SEMA3A: variants seen among roughly 807,000 people sequenced by gnomAD.
SEMA3A encodes semaphorin-3A.
Under a neutral mutation model 97.9 loss-of-function variants are expected in SEMA3A, and 29 were observed. The observed-to-expected ratio is 0.30, with a 90% CI of 0.22 to 0.40. The LOEUF is 0.40. SEMA3A is among the 10% of genes least tolerant of loss of function. The probability of loss-of-function intolerance (pLI) is 1.00; values close to 1 mark genes in which losing one functional copy is unlikely to be tolerated. For missense variants in SEMA3A, 763 were observed against 951.3 expected (o/e 0.80, Z 2.60); for synonymous variants, 321 against 323.7 (o/e 0.99, Z 0.09).
intron 1 of SEMA3A, among the ~76,000 whole-genome samples, chr7:84,453,269 G>GCT (rs1805605956): frequency 1.4e-5 from 2 of 144,710 alleles, no homozygotes; most frequent in African/African-American, 5.2e-5. Context: ...ACGGAGTCTC[G>GCT]CTGTCGCCCA....
chr7:84,005,296 T>C (rs1014125464), intron 11 of SEMA3A, 43 bp downstream of exon 11: 7 of 1,378,316 alleles, frequency 5.1e-6, no homozygotes, highest in South Asian at 4.7e-5. Flanking sequence ...CAGTTAAACA[T>C]AGTGTTCGGA....
intron 1 of SEMA3A, among the ~76,000 whole-genome samples, chr7:84,147,135 T>C (rs1184057711): frequency 6.6e-6 from 1 of 152,176 alleles, no homozygotes; most frequent in Admixed American, 6.5e-5. Flanking sequence ...AAATTATATA[T>C]ACTACATTTT....
intron 1 of SEMA3A, among the ~76,000 whole-genome samples, chr7:84,474,546 T>C (rs1333886632): frequency 6.6e-6 from 1 of 152,170 alleles, no homozygotes; most frequent in East Asian, 1.9e-4. Flanking sequence ...ATCCTCTAGG[T>C]AGGTGTAATG....
chr7:84,156,107 A>G (rs1796838376), intron 1 of SEMA3A, among the ~76,000 whole-genome samples: 1 of 152,172 alleles, frequency 6.6e-6, no homozygotes, highest in African/African-American at 2.4e-5. Context: ...TGTAAATTAT[A>G]ACAAGTCATA....
chr7:84,303,785 T>C (rs896025048), intron 3 of SEMA3A, among the ~76,000 whole-genome samples: 1 of 152,184 alleles, frequency 6.6e-6, no homozygotes, highest in Admixed American at 6.5e-5. Flanking sequence ...TAATTTTGTC[T>C]GACTTTAGGT....
At chr7:83,967,869 T>C (rs1368151125) in intron 15 of SEMA3A, among the ~76,000 whole-genome samples, 1 of 152,176 alleles carries the variant, frequency 6.6e-6, no homozygotes, top group Non-Finnish European at 1.5e-5. Flanking sequence ...CATGTATACA[T>C]TGTATAATGA....
At chr7:83,972,810 CTCT>C (rs1788972577) in intron 15 of SEMA3A, among the ~76,000 whole-genome samples, 1 of 152,036 alleles carries the variant, frequency 6.6e-6, no homozygotes, top group Non-Finnish European at 1.5e-5. Flanking sequence ...TATTTCAAAC[CTCT>C]TCTTATTCAT....
intron 4 of SEMA3A, among the ~76,000 whole-genome samples, chr7:84,100,111 C>G (rs1352096278): frequency 6.6e-6 from 1 of 152,150 alleles, no homozygotes; most frequent in Non-Finnish European, 1.5e-5. Context: ...CATAGCCTGT[C>G]TGTCTTCCAA....
chr7:84,339,842 T>C (rs569875508), intron 2 of SEMA3A, among the ~76,000 whole-genome samples: 1 of 152,256 alleles, frequency 6.6e-6, no homozygotes, highest in Admixed American at 6.5e-5. Context: ...TTCATACATA[T>C]AGCATCTTTA....
intron 2 of SEMA3A, among the ~76,000 whole-genome samples, chr7:84,330,714 A>G (rs1801890288): frequency 6.6e-6 from 1 of 152,062 alleles, no homozygotes; most frequent in Admixed American, 6.6e-5. Flanking sequence ...TTGCATGCTT[A>G]CATGACTAGG....
chr7:84,135,330 C>T (rs913662856), intron 1 of SEMA3A, among the ~76,000 whole-genome samples: 3 of 151,878 alleles, frequency 2.0e-5, no homozygotes, highest in Admixed American at 6.6e-5. Context: ...AGGCTGGCTT[C>T]GAACTCCTGA....
chr7:83,961,120 A>G lies in SEMA3A; in HGVS notation c.*251T>C, dbSNP rs1344921804. The G allele has an allele frequency of 4.0e-6, 2 of 495,132 alleles. No homozygotes were observed. The highest frequency in any genetic ancestry group is 7.3e-6 in the Non-Finnish European group (2 of 274,834). 30.7% of individuals were successfully genotyped at this position (495,132 alleles called of 1,614,324 possible). On this transcript the variant is annotated 3_prime_UTR_variant, in exon 17 of 17. Transcript: ENST00000265362. Reference sequence around the variant, plus strand: ...ACCTGTACAGTGAAATCTCATAGGAAACATTAAGTCTGCTAAAGTGAACAT... The same window carrying G: ...ACCTGTACAGTGAAATCTCATAGGAGACATTAAGTCTGCTAAAGTGAACAT...
chr7:84,052,751 C>T (rs2115631856), intron 5 of SEMA3A, among the ~76,000 whole-genome samples: 2 of 150,762 alleles, frequency 1.3e-5, no homozygotes, highest in South Asian at 4.2e-4. Flanking sequence ...TTGCCTTCTG[C>T]TAGCTTTTGA....
At chr7:84,137,253 A>T (rs2116055879) in intron 1 of SEMA3A, among the ~76,000 whole-genome samples, 1 of 151,896 alleles carries the variant, frequency 6.6e-6, no homozygotes, top group African/African-American at 2.4e-5. Context: ...ACAAAAAAAT[A>T]AGCTGGGCTT....
At chr7:84,225,427 A>C (rs1798966814) in intron 3 of SEMA3A, among the ~76,000 whole-genome samples, 1 of 152,130 alleles carries the variant, frequency 6.6e-6, no homozygotes. Flanking sequence ...AGAGAAAGCA[A>C]GATTATTGCT....
chr7:83,975,096 C>A (rs923598219), intron 15 of SEMA3A, among the ~76,000 whole-genome samples: 2 of 152,144 alleles, frequency 1.3e-5, no homozygotes, highest in African/African-American at 4.8e-5. Flanking sequence ...TCTTTAATAT[C>A]TGAAACACTC....
rs181504638 is a variant in SEMA3A, at chr7:84,407,782, G to A, written c.-245-35882C>T. Among the ~76,000 whole-genome samples, 64 of 152,156 alleles carry A rather than the reference G, an allele frequency of 4.2e-4. No homozygotes were observed. In the East Asian group the frequency reaches 0.011, roughly 26 times the overall value. ...GATCTTTGACAAACCTGACAAAAACGAGCAATGGGGAAGGGATTCCCTATT... is the reference window on the plus strand; with the variant it reads ...GATCTTTGACAAACCTGACAAAAACAAGCAATGGGGAAGGGATTCCCTATT... On this transcript the variant is annotated intron_variant, in intron 1 of 3. Transcript: ENST00000424555.
intron 3 of SEMA3A, among the ~76,000 whole-genome samples, chr7:84,279,636 A>G (rs958176406): frequency 6.6e-6 from 1 of 152,196 alleles, no homozygotes; most frequent in Non-Finnish European, 1.5e-5. Context: ...AGTTCGTTTT[A>G]CTACTGCAAT....
rs867994339 is a variant in SEMA3A, at chr7:84,119,387, C to T, written c.334-8798G>A. ...TAGAAATAGTGTCAAGTTTTCAGAG[C>T]TACCATAATTTTGCAGTCTGTTTTC... On this transcript the variant is annotated intron_variant, in intron 3 of 16. Coordinates refer to ENST00000265362, the MANE Select transcript of SEMA3A (RefSeq NM_006080.3). 1.6e-4 allele frequency among the ~76,000 whole-genome samples: 25 copies of T among 152,236 alleles called. 1 individual carries two copies. Among genetic ancestry groups the T allele is most frequent in the African/African-American group, 6.0e-4 (25 of 41,548 alleles).
Sources: gnomAD v4.1 joint callset for allele counts (sites outside exome capture counted in the v4.1 genomes callset) on GRCh38, gnomAD v4.1.1 for gene constraint, MANE v1.5 for transcripts, NCBI Gene and HGNC (gene_info 2026-07-23, HGNC 2026-07-21) for gene names.